Variants in ATXN7L1 observed in about 807,000 individuals in gnomAD.
The protein encoded by ATXN7L1 is ataxin 7 like 1.
ATXN7L1 carries 15 observed loss-of-function variants against 70.8 expected under a neutral mutation model. The ratio of observed to expected loss-of-function variants is 0.21; its 90% CI spans 0.14 to 0.33. ATXN7L1 has a LOEUF of 0.33. Ranked by LOEUF, ATXN7L1 falls within the 10% of genes least tolerant of loss-of-function variation. The pLI, the probability that ATXN7L1 is intolerant of heterozygous loss-of-function variation, is 1.00. For synonymous variants in ATXN7L1, 440 were observed against 445.1 expected (o/e 0.99, Z 0.14); for missense variants, 975 against 1,097.1 (o/e 0.89, Z 1.57).
At chr7:105,763,717 G>A (rs1019046833) in intron 3 of ATXN7L1, among the ~76,000 whole-genome samples, 3 of 152,206 alleles carry the variant, frequency 2.0e-5, no homozygotes, top group Admixed American at 6.5e-5. Flanking sequence ...CTTAAATGCT[G>A]CAAGGTGGGC....
At chr7:105,741,694 G>A (rs1003261518) in intron 3 of ATXN7L1, among the ~76,000 whole-genome samples, 12 of 152,154 alleles carry the variant, frequency 7.9e-5, no homozygotes, top group Admixed American at 2.0e-4. Context: ...ACCTGTGAAC[G>A]TGACCTTATT....
chr7:105,648,019 T>G (rs1034007824), intron 4 of ATXN7L1, among the ~76,000 whole-genome samples: 4 of 152,200 alleles, frequency 2.6e-5, no homozygotes, highest in African/African-American at 9.6e-5. Context: ...CGTGCAGTCC[T>G]CTGGATTGAA....
Position 105,792,408 on chromosome 7 carries a change from A to T in ATXN7L1, c.251-3700T>A, listed in dbSNP as rs893023661. On this transcript the variant is annotated intron_variant, in intron 2 of 11. Coordinates refer to ENST00000419735, the MANE Select transcript of ATXN7L1 (RefSeq NM_020725.2). ...GAGCAAAGACAGGCAGCTGGCTCCC[A>T]GGAAGACCACCACTTCACACGGCTG... 3.3e-5 allele frequency among the ~76,000 whole-genome samples: 5 copies of T among 152,194 alleles called. No individual in the cohort carries two copies. The South Asian group carries it at 8.3e-4, about 25-fold the overall frequency.
rs571203920 is a variant in ATXN7L1, at chr7:105,849,346, T to C, written c.250+26466A>G. ...GGGGAGGGCTCTGGCAAGAAGTTAG[T>C]GTAACCAGATCCCTTCTGACAGACC... On this transcript the variant is annotated intron_variant, in intron 2 of 11. Coordinates refer to ENST00000419735, the MANE Select transcript of ATXN7L1 (RefSeq NM_020725.2). 4.3e-4 allele frequency among the ~76,000 whole-genome samples: 65 copies of C among 152,340 alleles called. 1 individual carries two copies. Among genetic ancestry groups the C allele is most frequent in the Admixed American group, 3.9e-3 (59 of 15,310 alleles).
chr7:105,737,705 T>C (rs1258452962), intron 3 of ATXN7L1, among the ~76,000 whole-genome samples: 3 of 152,134 alleles, frequency 2.0e-5, no homozygotes, highest in East Asian at 3.8e-4. Flanking sequence ...GGTGATGTCA[T>C]AGCTAACCCC....
At chr7:105,695,221 A>G (rs1300909708) in intron 3 of ATXN7L1, among the ~76,000 whole-genome samples, 3 of 152,272 alleles carry the variant, frequency 2.0e-5, no homozygotes, top group African/African-American at 7.2e-5. Context: ...CAGGAGGCAG[A>G]GGTTGCAGTG....
Position 105,859,234 on chromosome 7 carries a change from C to T in ATXN7L1, c.250+16578G>A, listed in dbSNP as rs559659024. On this transcript the variant is annotated intron_variant, in intron 2 of 11. Coordinates refer to ENST00000419735, the MANE Select transcript of ATXN7L1 (RefSeq NM_020725.2). ...GCTGTCTGTGACTTACCAAATAGTT[C>T]AGCAAAAACATACATACATATTTAT... Among the ~76,000 whole-genome samples the T allele has an allele frequency of 1.4e-3, 220 of 151,948 alleles. 3 individuals are homozygous for T. In the South Asian group the frequency reaches 0.018, roughly 12 times the overall value.
chr7:105,820,878 C>T (rs926030551), intron 2 of ATXN7L1, among the ~76,000 whole-genome samples: 1 of 152,184 alleles, frequency 6.6e-6, no homozygotes, highest in Non-Finnish European at 1.5e-5. Context: ...CCCTCCACCC[C>T]CTTGCTCCCA....
At chr7:105,858,653 C>A (rs370785668) in intron 2 of ATXN7L1, among the ~76,000 whole-genome samples, 1 of 152,152 alleles carries the variant, frequency 6.6e-6, no homozygotes, top group African/African-American at 2.4e-5. Flanking sequence ...TAATAGGGCA[C>A]CCTGATATCT....
intron 3 of ATXN7L1, among the ~76,000 whole-genome samples, chr7:105,705,926 G>A (rs935737218): frequency 6.6e-6 from 1 of 152,126 alleles, no homozygotes; most frequent in Non-Finnish European, 1.5e-5. Flanking sequence ...AGATAGATTT[G>A]CCACCCTTCT....
intron 11 of ATXN7L1, 97 bp downstream of exon 11, chr7:105,610,432 G>T: frequency 1.8e-6 from 2 of 1,096,520 alleles, no homozygotes; most frequent in Non-Finnish European, 2.6e-6. Flanking sequence ...AACTGGAGAT[G>T]AGGTTTGAAT....
In ATXN7L1 at chr7:105,614,611, T is replaced by A; in HGVS notation, c.1723A>T (p.Ser575Cys). The A allele has an allele frequency of 6.4e-7, 1 of 1,551,668 alleles. No individual in the cohort carries two copies. The highest frequency in any genetic ancestry group is 1.2e-5 in the South Asian group (1 of 84,034). ...GCTGTGGTGTGGGACATGAGGGCGC[T>A]CGGGTCCGGCGATGTCACGAAAGCT... ...NAAFVTSPDP[S>C]ALMSHTTAFP... The change falls in exon 10 of 12, where the codon AGC (serine) becomes TGC (cysteine). Residue 575 changes from serine (S) to cysteine (C), a missense_variant. By Grantham distance (112) the Ser-to-Cys change is moderately radical. Transcript: ENST00000419735. This position sits in a 1 kb window ranked among gnomAD's most constrained non-coding sequence, Gnocchi z 4.3.
rs185709079 is a variant in ATXN7L1, at chr7:105,701,780, T to C, written c.356-36492A>G. 1.5e-3 allele frequency among the ~76,000 whole-genome samples: 228 copies of C among 152,268 alleles called. 4 individuals are homozygous for C. Among genetic ancestry groups the C allele is most frequent in the Admixed American group, 6.0e-3 (92 of 15,292 alleles). On this transcript the variant is annotated intron_variant, in intron 3 of 11. Coordinates refer to ENST00000419735, the MANE Select transcript of ATXN7L1 (RefSeq NM_020725.2). Reference sequence around the variant, plus strand: ...ACTGCAGTGGTGTGATCACAGCTCATTGTAGCCTCAAACTCCTGGGCTCAA... The same window carrying C: ...ACTGCAGTGGTGTGATCACAGCTCACTGTAGCCTCAAACTCCTGGGCTCAA...
chr7:105,672,262 G>A (rs933169768), intron 3 of ATXN7L1, among the ~76,000 whole-genome samples: 3 of 151,962 alleles, frequency 2.0e-5, no homozygotes, highest in South Asian at 2.1e-4. Context: ...CTCCAGTCTC[G>A]GCGACAGAGT....
intron 3 of ATXN7L1, among the ~76,000 whole-genome samples, chr7:105,712,902 C>T (rs7805916): frequency 0.26 from 39,051 of 152,066 alleles, 5,442 homozygotes; most frequent in East Asian, 0.37. Flanking sequence ...CTCCTGGTAG[C>T]AATTTTCTGT....
chr7:105,752,136 T>C (rs1186456586), intron 3 of ATXN7L1, among the ~76,000 whole-genome samples: 5 of 152,350 alleles, frequency 3.3e-5, no homozygotes, highest in African/African-American at 1.2e-4. Flanking sequence ...GGACAGGCAG[T>C]CGGGAAGAAC....
chr7:105,785,778 C>A (rs956095958), intron 3 of ATXN7L1, among the ~76,000 whole-genome samples: 2 of 138,062 alleles, frequency 1.4e-5, no homozygotes, highest in African/African-American at 6.6e-5. Flanking sequence ...AACTCTTGTT[C>A]TCTTTCCACC....
intron 10 of ATXN7L1, 89 bp from the exon 11 acceptor site, chr7:105,610,692 C>A: frequency 9.4e-7 from 1 of 1,061,314 alleles, no homozygotes; most frequent in East Asian, 2.6e-5. Flanking sequence ...GAAAGAAGGG[C>A]TGCACAATGC....
intron 7 of ATXN7L1, among the ~76,000 whole-genome samples, chr7:105,633,737 C>T (rs1317187014): frequency 6.6e-6 from 1 of 151,740 alleles, no homozygotes; most frequent in Admixed American, 6.6e-5. Context: ...ACAATAACAA[C>T]AAAAAAAGCA....
Sources: gnomAD v4.1 joint callset for allele counts (sites outside exome capture counted in the v4.1 genomes callset) on GRCh38, gnomAD v4.1.1 for gene constraint, Gnocchi (gnomAD v3.1) non-coding constraint, MANE v1.5 for transcripts, NCBI Gene and HGNC (gene_info 2026-07-23, HGNC 2026-07-21) for gene names.